The following ZNF423 variants were observed in gnomAD, a reference collection of about 807,000 sequenced individuals.
ZNF423 encodes the protein zinc finger protein 423, also known as Ebf-associated zinc finger protein.
A neutral mutation model predicts 95.8 loss-of-function variants in ZNF423; 12 were observed. The ratio of observed to expected loss-of-function variants is 0.13; its 90% CI spans 0.08 to 0.20. The LOEUF (loss-of-function observed/expected upper bound fraction) is 0.20. ZNF423 is among the 10% of genes least tolerant of loss of function. ZNF423 has a pLI of 1.00. For synonymous variants in ZNF423, 749 were observed against 711.9 expected (o/e 1.05, Z -0.83); for missense variants, 1,316 against 1,737.1 (o/e 0.76, Z 4.31).
At chr16:49,541,186 A>G (rs1285200727) in intron 5 of ZNF423, among the ~76,000 whole-genome samples, 1 of 152,234 alleles carries the variant, frequency 6.6e-6, no homozygotes, top group Admixed American at 6.5e-5. Flanking sequence ...CACACTGCTT[A>G]GGCATTTCCC....
At position 49,834,688 on chromosome 16, in the gene ZNF423, G is replaced by A. The variant is rs906386523; in HGVS notation, c.40+21047C>T. Among the ~76,000 whole-genome samples, 6 of 152,284 alleles carry A rather than the reference G, an allele frequency of 3.9e-5. No homozygotes were observed. The East Asian group carries it at 5.8e-4, about 15-fold the overall frequency. ...CAGCTGTCCAGAACTGTCTGTCCAC[G>A]GAGGGGGCAGGGTGGCTGCCACTCG... On this transcript the variant is annotated intron_variant, in intron 1 of 7. Coordinates refer to ENST00000563137, the MANE Select transcript of ZNF423 (RefSeq NM_001379286.1).
At chr16:49,686,126 C>A (rs1436714587) in intron 3 of ZNF423, among the ~76,000 whole-genome samples, 4 of 152,222 alleles carry the variant, frequency 2.6e-5, no homozygotes, top group Non-Finnish European at 5.9e-5. Flanking sequence ...TCTAGCTGTC[C>A]TTCTCCCCCA....
intron 7 of ZNF423, 43 bp downstream of exon 7, chr16:49,523,581 G>C: frequency 6.4e-7 from 1 of 1,552,388 alleles, no homozygotes; most frequent in South Asian, 1.1e-5. Flanking sequence ...CGGGGGAACC[G>C]AGGACCATCA....
At chr16:49,625,903 T>C (rs1972245263) in intron 5 of ZNF423, among the ~76,000 whole-genome samples, 1 of 152,228 alleles carries the variant, frequency 6.6e-6, no homozygotes, top group Admixed American at 6.5e-5. Context: ...TGGAAAGCAC[T>C]TTGTTTCAGA....
chr16:49,836,642 C>CA lies in ZNF423; in HGVS notation c.40+19092dup, dbSNP rs200405584. Reference sequence around the variant, plus strand: ...GGCGAACATAATGGTACCAACCTCACAGGGCTGCAGAGGGGATTCATGAGA... The same window carrying CA: ...GGCGAACATAATGGTACCAACCTCACAAGGGCTGCAGAGGGGATTCATGAGA... On this transcript the variant is annotated intron_variant, in intron 1 of 7. Transcript: ENST00000563137. 2.8e-3 allele frequency among the ~76,000 whole-genome samples: 425 copies of CA among 152,280 alleles called. 3 individuals carry two copies. Among genetic ancestry groups the CA allele is most frequent in the African/African-American group, 9.5e-3 (396 of 41,548 alleles).
intron 5 of ZNF423, among the ~76,000 whole-genome samples, chr16:49,549,002 CA>C (rs1484648374): frequency 3.4e-4 from 52 of 152,304 alleles, no homozygotes; most frequent in Admixed American, 2.2e-3. Context: ...GCCTATCTTG[CA>C]TTTTTTTTCT....
chr16:49,514,730 G>A (rs1055290378), intron 7 of ZNF423, among the ~76,000 whole-genome samples: 5 of 152,192 alleles, frequency 3.3e-5, no homozygotes, highest in African/African-American at 9.7e-5. Flanking sequence ...AAATGCGCCC[G>A]CTCAACGCTG....
chr16:49,839,295 G>A (rs2035157596), intron 1 of ZNF423, among the ~76,000 whole-genome samples: 2 of 152,028 alleles, frequency 1.3e-5, no homozygotes, highest in Admixed American at 6.5e-5. Context: ...CACCCCACAA[G>A]CCTCAGGCCA....
intron 2 of ZNF423, among the ~76,000 whole-genome samples, chr16:49,769,927 T>C (rs6500256): frequency 0.71 from 107,619 of 151,860 alleles, 39,027 homozygotes; most frequent in African/African-American, 0.86. Context: ...CCCTCCTTGG[T>C]ACAGAGGCCT....
intron 1 of ZNF423, among the ~76,000 whole-genome samples, chr16:49,817,979 C>T (rs1044828508): frequency 2.0e-5 from 3 of 151,928 alleles, no homozygotes; most frequent in Non-Finnish European, 4.4e-5. Context: ...TTTTTGAGTT[C>T]GTCAACTGTG....
At chr16:49,598,948 G>C (rs1006989729) in intron 5 of ZNF423, among the ~76,000 whole-genome samples, 1 of 152,210 alleles carries the variant, frequency 6.6e-6, no homozygotes, top group African/African-American at 2.4e-5. Flanking sequence ...TTTAACACCT[G>C]AAAGTGGGGT....
At chr16:49,773,441 T>A (rs969478600) in intron 2 of ZNF423, among the ~76,000 whole-genome samples, 1 of 152,196 alleles carries the variant, frequency 6.6e-6, no homozygotes, top group Non-Finnish European at 1.5e-5. Context: ...CTGTTCCACC[T>A]GACACATGGG....
chr16:49,579,735 G>C (rs755373587), intron 5 of ZNF423, among the ~76,000 whole-genome samples: 1 of 152,122 alleles, frequency 6.6e-6, no homozygotes, highest in Non-Finnish European at 1.5e-5. Flanking sequence ...CACCATAAAG[G>C]GTTCCAAACA....
intron 5 of ZNF423, among the ~76,000 whole-genome samples, chr16:49,548,209 T>A (rs916494821): frequency 6.6e-6 from 1 of 152,200 alleles, no homozygotes; most frequent in Admixed American, 6.5e-5. Context: ...CTTCAGAATT[T>A]TTTTTAGCAC....
intron 3 of ZNF423, among the ~76,000 whole-genome samples, chr16:49,694,717 ATCCAGGAAGGGC>A (rs1280173717): frequency 3.9e-5 from 6 of 152,218 alleles, no homozygotes; most frequent in Non-Finnish European, 8.8e-5. Context: ...GCCCTCCTCC[ATCCAGGAAGGGC>A]TCTGATGCCC....
rs779898708 is a variant in ZNF423, at chr16:49,635,805, G to C, written c.3371C>G (p.Pro1124Arg). ...CTCGGGGCAACGGAGGCCGGCACAG[G>C]GCCGGTCGGCGGGCTCGGGCGGGGC... ...GLAPPEPADRPCAGLRCPECS... is the reference protein window; with the variant it reads ...GLAPPEPADRRCAGLRCPECS... Residue 1124 changes from proline to arginine, a missense_variant, in exon 4 of 8, where the codon CCC becomes CGC. Transcript: ENST00000563137. This position sits in a 1 kb window ranked among gnomAD's most constrained non-coding sequence, Gnocchi z 4.8. 1 of 1,611,308 alleles carries C rather than the reference G, an allele frequency of 6.2e-7. No individual in the cohort carries two copies. The highest frequency in any genetic ancestry group is 1.1e-5 in the South Asian group (1 of 90,982).
chr16:49,637,348 C>T lies in ZNF423; in HGVS notation c.1828G>A (p.Glu610Lys), dbSNP rs752375472. The T allele has an allele frequency of 1.2e-6, 2 of 1,614,190 alleles. No homozygotes were observed. The highest frequency in any genetic ancestry group is 1.7e-6 in the Non-Finnish European group (2 of 1,180,040). The part of the protein sequence containing the change: ...PLAHSKKSKA[E>K]QSPVSSDVEV... ...ACATCGGACGAGACTGGGCTCTGCT[C>T]GGCCTTGGACTTCTTGCTGTGGGCC... Residue 610 changes from glutamate (E) to lysine (K), a missense_variant, in exon 4 of 8, where the codon GAG (glutamate) becomes AAG (lysine). Coordinates refer to ENST00000563137, the MANE Select transcript of ZNF423 (RefSeq NM_001379286.1). The surrounding 1 kb of genome is among the most constrained non-coding windows in gnomAD (Gnocchi z 5.6).
intron 1 of ZNF423, 100 bp from the exon 2 acceptor site, chr16:49,789,646 T>C: frequency 8.5e-7 from 1 of 1,172,586 alleles, no homozygotes; most frequent in Non-Finnish European, 1.2e-6. Context: ...TGGGGGTCCT[T>C]ATTATAATAC....
chr16:49,802,461 G>T (rs2034597259), intron 1 of ZNF423, among the ~76,000 whole-genome samples: 1 of 152,192 alleles, frequency 6.6e-6, no homozygotes, highest in Non-Finnish European at 1.5e-5. Flanking sequence ...GGTTTGTAGG[G>T]TTTGCCACTT....
Sources: gnomAD v4.1 joint callset for allele counts (sites outside exome capture counted in the v4.1 genomes callset) on GRCh38, gnomAD v4.1.1 for gene constraint, Gnocchi (gnomAD v3.1) non-coding constraint, MANE v1.5 for transcripts, NCBI Gene and HGNC (gene_info 2026-07-23, HGNC 2026-07-21) for gene names.